The following DISC1 variants were observed in gnomAD, a reference collection of about 807,000 sequenced individuals.
The protein encoded by DISC1 is DISC1 scaffold protein, also known as disrupted in schizophrenia 1 protein.
Under a neutral mutation model 84.5 loss-of-function variants are expected in DISC1, and 57 were observed. That is an observed-to-expected ratio of 0.67 (90% confidence interval 0.55 to 0.84). The LOEUF is 0.84. Ranked by LOEUF, DISC1 falls within the 40% of genes least tolerant of loss-of-function variation. DISC1 has a pLI of 0.00. For missense variants in DISC1, 1,000 were observed against 1,057.8 expected, an observed-to-expected ratio of 0.95 and a Z score of 0.76; for synonymous variants, 411 against 415.2, an observed-to-expected ratio of 0.99 and a Z score of 0.12.
intron 3 of DISC1, chr1:231,721,111 A>G (rs774036075): frequency 1.6e-5 from 21 of 1,287,644 alleles, no homozygotes; most frequent in Middle Eastern, 4.3e-4. Context: ...TCATCTGCCA[A>G]ATGAGTACAA....
chr1:231,880,754 G>C lies in DISC1; in HGVS notation c.1981+62237G>C, dbSNP rs2086230250. ...AAGGGGATCATGGAGAGCAAGGCAA[G>C]GTGGGGGGGGGGTGAAATCATCGGG... On this transcript the variant is annotated intron_variant, in intron 9 of 12. Transcript: ENST00000439617. 1.5e-4 allele frequency among the ~76,000 whole-genome samples: 4 copies of C among 26,678 alleles called. No homozygotes were observed. In the South Asian group the frequency reaches 6.9e-3, roughly 46 times the overall value. The allele number at this position is 26,678 out of a possible 152,430, so 17.5% of individuals were successfully genotyped here. A position where few individuals can be genotyped will look rare whatever the true frequency, so the allele number is the denominator to read the frequency against.
At chr1:231,940,960 C>T (rs190400075) in intron 9 of DISC1, 1 of 152,360 alleles carries the variant, frequency 6.6e-6, no homozygotes, top group Non-Finnish European at 1.5e-5. Context: ...CCACACCCAT[C>T]AGATGGCAGG....
rs115448014 is a variant in DISC1, at chr1:231,654,084, C to T, written c.67+27150C>T. Among the ~76,000 whole-genome samples, 392 of 152,198 alleles carry T rather than the reference C, an allele frequency of 2.6e-3. 6 individuals are homozygous for T. The highest frequency in any genetic ancestry group is 8.7e-3 in the African/African-American group (362 of 41,514). On this transcript the variant is annotated intron_variant, in intron 1 of 12. Coordinates refer to ENST00000439617, the MANE Select transcript of DISC1 (RefSeq NM_018662.3). ...CTCTTCTCAGTTGGTCTCCATGGTCCGAGCTCTGTCCTGGCAAGTTCCTTC... is the reference window on the plus strand; with the variant it reads ...CTCTTCTCAGTTGGTCTCCATGGTCTGAGCTCTGTCCTGGCAAGTTCCTTC...
chr1:231,723,289 C>T (rs1416504358), intron 3 of DISC1: 27 of 985,920 alleles, frequency 2.7e-5, no homozygotes, highest in South Asian at 9.4e-5. Context: ...TGTTAAAACC[C>T]GTGTTGTTCA....
At chr1:231,955,622 T>G (rs1050479007) in intron 9 of DISC1, among the ~76,000 whole-genome samples, 7 of 151,810 alleles carry the variant, frequency 4.6e-5, no homozygotes, top group African/African-American at 1.7e-4. Flanking sequence ...CCCAACTAGG[T>G]GGGATTACAG....
intron 11 of DISC1, among the ~76,000 whole-genome samples, chr1:232,021,752 A>G (rs557552720): frequency 3.9e-5 from 6 of 152,202 alleles, no homozygotes; most frequent in Non-Finnish European, 7.3e-5. Flanking sequence ...GATTTAAAAG[A>G]ACTATTTATG....
chr1:231,961,454 C>T (rs933895918), intron 10 of DISC1, among the ~76,000 whole-genome samples: 4 of 152,234 alleles, frequency 2.6e-5, no homozygotes, highest in East Asian at 1.9e-4. Context: ...TCGTGCGATG[C>T]TGAGGTTTGG....
intron 9 of DISC1, among the ~76,000 whole-genome samples, chr1:231,837,266 G>A (rs901972171): frequency 1.3e-5 from 2 of 152,104 alleles, no homozygotes; most frequent in African/African-American, 2.4e-5. Flanking sequence ...GTCTTGCCAG[G>A]CTCCATTAGG....
chr1:231,807,721 G>A (rs2079855835), intron 8 of DISC1, among the ~76,000 whole-genome samples: 1 of 152,124 alleles, frequency 6.6e-6, no homozygotes, highest in South Asian at 2.1e-4. Context: ...CAGCTGCCTG[G>A]GTGACAGCCT....
At chr1:231,820,925 T>C (rs1424986899) in intron 9 of DISC1, among the ~76,000 whole-genome samples, 3 of 152,198 alleles carry the variant, frequency 2.0e-5, no homozygotes, top group African/African-American at 7.2e-5. Flanking sequence ...TAGGGAACAA[T>C]TAGCAGTGTC....
At chr1:231,793,859 C>G (rs2078538964) in intron 6 of DISC1, among the ~76,000 whole-genome samples, 1 of 152,146 alleles carries the variant, frequency 6.6e-6, no homozygotes, top group Non-Finnish European at 1.5e-5. Context: ...AAATACAACA[C>G]TCATTTATCC....
At chr1:231,736,244 T>G (rs905833118) in intron 3 of DISC1, among the ~76,000 whole-genome samples, 2 of 152,118 alleles carry the variant, frequency 1.3e-5, no homozygotes, top group Non-Finnish European at 2.9e-5. Flanking sequence ...GGGACCCAGA[T>G]CAAACAGATA....
At chr1:231,910,424 C>T (rs533572265) in intron 9 of DISC1, among the ~76,000 whole-genome samples, 5 of 152,256 alleles carry the variant, frequency 3.3e-5, no homozygotes, top group East Asian at 1.9e-4. Flanking sequence ...GCCTTCATTT[C>T]GTTATGTACT....
At chr1:231,968,294 A>T (rs1394988260) in intron 10 of DISC1, among the ~76,000 whole-genome samples, 2 of 152,114 alleles carry the variant, frequency 1.3e-5, no homozygotes, top group African/African-American at 4.8e-5. Flanking sequence ...TGTGTTAGGA[A>T]AGCCTTTCCT....
chr1:231,677,907 G>C (rs914534884), intron 1 of DISC1, among the ~76,000 whole-genome samples: 1 of 152,100 alleles, frequency 6.6e-6, no homozygotes, highest in Non-Finnish European at 1.5e-5. Flanking sequence ...AACCTGCGAG[G>C]TGGTGGTTGC....
chr1:231,673,522 G>T (rs2062827218), intron 1 of DISC1, among the ~76,000 whole-genome samples: 1 of 152,124 alleles, frequency 6.6e-6, no homozygotes, highest in Non-Finnish European at 1.5e-5. Flanking sequence ...ACTCTAGTTT[G>T]ACCTGGTCAC....
chr1:232,009,055 T>G lies in DISC1; in HGVS notation c.2307+6T>G. On this transcript the variant is annotated splice_donor_region_variant and intron_variant, in intron 11 of 12. Transcript: ENST00000439617. This position sits in a 1 kb window ranked among gnomAD's most constrained non-coding sequence, Gnocchi z 4.6. The stretch of plus-strand genomic sequence containing the variant: ...CTGGAGGTGAACAGAAAGAGGTCTG[T>G]CCTTTTCACATGGCCTCCAGAGGGG... 2 of 1,613,820 alleles carry G rather than the reference T, an allele frequency of 1.2e-6. No individual in the cohort carries two copies. Among genetic ancestry groups the G allele is most frequent in the Non-Finnish European group, 1.7e-6 (2 of 1,179,804 alleles).
At chr1:231,755,355 A>G (rs1320429613) in intron 4 of DISC1, among the ~76,000 whole-genome samples, 4 of 150,778 alleles carry the variant, frequency 2.7e-5, no homozygotes, top group Non-Finnish European at 5.9e-5. Context: ...TCTCTTTAAT[A>G]TTGTTGTTCT....
At chr1:232,028,612 C>T (rs984497064) in intron 12 of DISC1, among the ~76,000 whole-genome samples, 6 of 152,086 alleles carry the variant, frequency 3.9e-5, no homozygotes, top group Admixed American at 3.3e-4. Flanking sequence ...TAACATACAC[C>T]TCTAAGGTTT....
Sources: gnomAD v4.1 joint callset for allele counts (sites outside exome capture counted in the v4.1 genomes callset) on GRCh38, gnomAD v4.1.1 for gene constraint, Gnocchi (gnomAD v3.1) non-coding constraint, MANE v1.5 for transcripts, NCBI Gene and HGNC (gene_info 2026-07-23, HGNC 2026-07-21) for gene names.